Variants in ENPEP observed in about 807,000 individuals in gnomAD.
The protein encoded by ENPEP is glutamyl aminopeptidase.
A neutral mutation model predicts 114.5 loss-of-function variants in ENPEP; 103 were observed. The ratio of observed to expected loss-of-function variants is 0.90; its 90% CI spans 0.77 to 1.06. ENPEP has a LOEUF of 1.06. ENPEP is among the 50% of genes least tolerant of loss of function. The pLI is 0.00. For missense variants in ENPEP, 1,196 were observed against 1,161.3 expected (o/e 1.03, Z -0.43); for synonymous variants, 420 against 422.0 (o/e 1.00, Z 0.06).
chr4:110,508,688 G>A (rs1348069063), intron 4 of ENPEP, among the ~76,000 whole-genome samples: 7 of 152,164 alleles, frequency 4.6e-5, no homozygotes, highest in Non-Finnish European at 1.5e-5. Flanking sequence ...GCGGGCGCCT[G>A]TAGTCCCAGC....
chr4:110,549,331 A>T lies in ENPEP; in HGVS notation c.2152-15A>T. The T allele has an allele frequency of 6.2e-7, 1 of 1,604,036 alleles. No individual in the cohort carries two copies. The highest frequency in any genetic ancestry group is 8.5e-7 in the Non-Finnish European group (1 of 1,171,232). ...AGTAAATTGTTACTTATTGTACATA[A>T]TACTTTTATTTCAGGAATACTTCCA... is the stretch of plus-strand genomic sequence containing the variant. On this transcript the variant is annotated splice_polypyrimidine_tract_variant and intron_variant, in intron 14 of 19. Coordinates refer to ENST00000265162, the MANE Select transcript of ENPEP (RefSeq NM_001977.4).
At chr4:110,515,842 T>C (rs1170176782) in intron 8 of ENPEP, 4 of 455,928 alleles carry the variant, frequency 8.8e-6, no homozygotes, top group Admixed American at 4.7e-5. Flanking sequence ...AAGCCTCTCT[T>C]CCGGGCTTGC....
At position 110,543,802 on chromosome 4, in the gene ENPEP, G is replaced by A. The variant is rs79747650; in HGVS notation, c.2000+732G>A. Among the ~76,000 whole-genome samples the A allele has an allele frequency of 7.6e-3, 1,156 of 152,098 alleles. 6 individuals are homozygous for A. The highest frequency in any genetic ancestry group is 0.027 in the African/African-American group (1,110 of 41,500). On this transcript the variant is annotated intron_variant, in intron 13 of 19. Coordinates refer to ENST00000265162, the MANE Select transcript of ENPEP (RefSeq NM_001977.4). Reference sequence around the variant, plus strand: ...ATGAGCAATGTGCTAAGAATGAGGAGCCACTTCCCTCAGTAGCCTCCCATG... The same window carrying A: ...ATGAGCAATGTGCTAAGAATGAGGAACCACTTCCCTCAGTAGCCTCCCATG...
chr4:110,515,917 C>G, intron 8 of ENPEP: 2 of 422,082 alleles, frequency 4.7e-6, no homozygotes, highest in South Asian at 3.5e-5. Context: ...AGAGAGCACT[C>G]TGGTGTCTCT....
intron 3 of ENPEP, among the ~76,000 whole-genome samples, chr4:110,505,492 A>G (rs1019355361): frequency 2.0e-5 from 3 of 152,198 alleles, no homozygotes; most frequent in African/African-American, 7.2e-5. Flanking sequence ...TGTGTTCTTT[A>G]TATTCGTGAA....
At chr4:110,511,335 T>C (rs1725566056) in intron 6 of ENPEP, among the ~76,000 whole-genome samples, 1 of 152,182 alleles carries the variant, frequency 6.6e-6, no homozygotes, top group Non-Finnish European at 1.5e-5. Context: ...GGGACTTTCC[T>C]GTGCGTTATA....
chr4:110,483,619 A>G (rs3796892), intron 1 of ENPEP, among the ~76,000 whole-genome samples: 23,025 of 152,064 alleles, frequency 0.15, 2,304 homozygotes, highest in African/African-American at 0.27. Flanking sequence ...AATTGCATAG[A>G]CTATCATTTT....
chr4:110,505,453 C>T (rs182605224), intron 3 of ENPEP, among the ~76,000 whole-genome samples: 1 of 152,266 alleles, frequency 6.6e-6, no homozygotes, highest in Non-Finnish European at 1.5e-5. Flanking sequence ...TGAGCCAGCA[C>T]TGGTAATTTA....
intron 1 of ENPEP, among the ~76,000 whole-genome samples, chr4:110,486,323 C>T (rs6812955): frequency 0.57 from 86,393 of 151,988 alleles, 24,756 homozygotes; most frequent in East Asian, 0.77. Flanking sequence ...ATAAAATGCA[C>T]GCTCTTCTCA....
At chr4:110,504,276 G>C (rs1458154017) in intron 3 of ENPEP, among the ~76,000 whole-genome samples, 2 of 152,208 alleles carry the variant, frequency 1.3e-5, no homozygotes, top group African/African-American at 4.8e-5. Context: ...AGGGGTAACA[G>C]GGGGTTGTGG....
At chr4:110,498,200 C>T (rs1248726333) in intron 3 of ENPEP, among the ~76,000 whole-genome samples, 1 of 152,122 alleles carries the variant, frequency 6.6e-6, no homozygotes, top group Non-Finnish European at 1.5e-5. Context: ...ATACAGTCAC[C>T]ACTGCCCTGT....
At chr4:110,535,865 A>G (rs1436748277) in intron 11 of ENPEP, among the ~76,000 whole-genome samples, 1 of 152,178 alleles carries the variant, frequency 6.6e-6, no homozygotes, top group African/African-American at 2.4e-5. Flanking sequence ...ATCAACACTG[A>G]GGCAAGACCC....
At position 110,509,704 on chromosome 4, in the gene ENPEP, T is replaced by G; in HGVS notation, c.1091T>G (p.Leu364Arg). 1 of 1,614,148 alleles carries G rather than the reference T, an allele frequency of 6.2e-7. No homozygotes were observed. The highest frequency in any genetic ancestry group is 8.5e-7 in the Non-Finnish European group (1 of 1,179,998). The change falls in exon 5 of 20, where the codon CTC (leucine) becomes CGC (arginine). Residue 364 changes from leucine to arginine, a missense_variant. Physicochemically the swap from Leu to Arg is moderately radical, Grantham distance 102. Transcript: ENST00000265162. Reference protein sequence around the residue: ...FGTGAMENWGLITYRETNLLY... With the variant: ...FGTGAMENWGRITYRETNLLY... ...ACTGGTGCCATGGAGAACTGGGGAC[T>G]CATCACGTACAGAGAAACGAACCTG... is the stretch of plus-strand genomic sequence containing the variant.
rs1727688572 is a variant in ENPEP, at chr4:110,561,773, T to C, written c.*215T>C. The C allele has an allele frequency of 2.4e-6, 1 of 414,200 alleles. No homozygotes were observed. The highest frequency in any genetic ancestry group is 2.1e-5 in the African/African-American group (1 of 48,756). 25.7% of individuals were successfully genotyped at this position (414,200 alleles called of 1,614,324 possible). A position where few individuals can be genotyped will look rare whatever the true frequency, so the allele number is the denominator to read the frequency against. ...GTACTTAATATACTCAGGGATTCCTTCTAAGTGTACTTCATAAGATATTCT... is the reference window on the plus strand; with the variant it reads ...GTACTTAATATACTCAGGGATTCCTCCTAAGTGTACTTCATAAGATATTCT... On this transcript the variant is annotated 3_prime_UTR_variant, in exon 20 of 20. Transcript: ENST00000265162.
chr4:110,531,483 T>C (rs1210226448), intron 11 of ENPEP, among the ~76,000 whole-genome samples: 1 of 152,172 alleles, frequency 6.6e-6, no homozygotes, highest in Non-Finnish European at 1.5e-5. Context: ...TTATCTTGAC[T>C]GACTGATTTA....
At chr4:110,555,099 TA>T (rs375411882) in intron 18 of ENPEP, among the ~76,000 whole-genome samples, 68 of 152,052 alleles carry the variant, frequency 4.5e-4, no homozygotes, top group African/African-American at 1.6e-3. Flanking sequence ...TTTTTCAAGA[TA>T]AAAAAAGAAG....
At chr4:110,498,110 A>G (rs886768296) in intron 3 of ENPEP, among the ~76,000 whole-genome samples, 1 of 152,206 alleles carries the variant, frequency 6.6e-6, no homozygotes, top group Non-Finnish European at 1.5e-5. Flanking sequence ...TTGAGCATCT[A>G]CTATGTGCAC....
chr4:110,528,902 A>G (rs78700891), intron 10 of ENPEP, among the ~76,000 whole-genome samples: 1,985 of 152,282 alleles, frequency 0.013, 38 homozygotes, highest in African/African-American at 0.045. Flanking sequence ...AGAAAACTCA[A>G]TCGTTTCATT....
chr4:110,526,574 A>G (rs116839818), intron 10 of ENPEP, among the ~76,000 whole-genome samples: 368 of 152,314 alleles, frequency 2.4e-3, no homozygotes, highest in Non-Finnish European at 4.1e-3. Flanking sequence ...GTGAAGACGA[A>G]GAGGAAGGCA....
Sources: gnomAD v4.1 joint callset for allele counts (sites outside exome capture counted in the v4.1 genomes callset) on GRCh38, gnomAD v4.1.1 for gene constraint, MANE v1.5 for transcripts, NCBI Gene and HGNC (gene_info 2026-07-23, HGNC 2026-07-21) for gene names.